DISC1: variants seen among roughly 807,000 people sequenced by gnomAD.
DISC1 encodes disrupted in schizophrenia 1 protein.
In DISC1, 57 loss-of-function variants were observed where a neutral mutation model predicts 84.5. The observed-to-expected ratio is 0.67, with a 90% CI of 0.55 to 0.84. The LOEUF is 0.84. DISC1 is among the 40% of genes least tolerant of loss of function. The pLI, the probability that DISC1 is intolerant of heterozygous loss-of-function variation, is 0.00. For missense variants in DISC1, 1,000 were observed against 1,057.8 expected, an observed-to-expected ratio of 0.95 and a Z score of 0.76; for synonymous variants, 411 against 415.2, an observed-to-expected ratio of 0.99 and a Z score of 0.12.
At chr1:231,759,859 A>G (rs2075501315) in intron 4 of DISC1, among the ~76,000 whole-genome samples, 1 of 152,152 alleles carries the variant, frequency 6.6e-6, no homozygotes, top group Non-Finnish European at 1.5e-5. Flanking sequence ...CCTCAATAAG[A>G]GAAGGGAGAA....
At chr1:231,803,726 A>T (rs547636811) in intron 8 of DISC1, among the ~76,000 whole-genome samples, 2 of 152,182 alleles carry the variant, frequency 1.3e-5, no homozygotes, top group South Asian at 4.1e-4. Flanking sequence ...AGGTGGGTGG[A>T]TCACGAGGTC....
intron 9 of DISC1, among the ~76,000 whole-genome samples, chr1:231,916,007 T>C (rs1336038507): frequency 6.6e-6 from 1 of 152,186 alleles, no homozygotes; most frequent in African/African-American, 2.4e-5. Context: ...ATTATACAGC[T>C]GAAAGCAGCT....
chr1:231,641,525 A>G (rs548154834), intron 1 of DISC1, among the ~76,000 whole-genome samples: 4 of 152,304 alleles, frequency 2.6e-5, no homozygotes, highest in Non-Finnish European at 4.4e-5. Flanking sequence ...GAGCAGCAGC[A>G]AGGTTTGTTG....
At chr1:231,985,928 C>T (rs1489483242) in intron 10 of DISC1, among the ~76,000 whole-genome samples, 1 of 152,130 alleles carries the variant, frequency 6.6e-6, no homozygotes, top group Non-Finnish European at 1.5e-5. Flanking sequence ...AAATCTTTCT[C>T]ATAAAATGCG....
chr1:232,024,800 C>T (rs1669297492), intron 11 of DISC1, among the ~76,000 whole-genome samples: 1 of 151,990 alleles, frequency 6.6e-6, no homozygotes, highest in African/African-American at 2.4e-5. Flanking sequence ...CCATGTTGGC[C>T]AGGCTGGTCT....
chr1:231,814,858 T>A (rs748990172), intron 8 of DISC1: 2 of 151,846 alleles, frequency 1.3e-5, no homozygotes, highest in Non-Finnish European at 2.9e-5. Flanking sequence ...ATAATCCAGT[T>A]ATAACCACTG....
chr1:231,674,803 C>T (rs1052426723), intron 1 of DISC1, among the ~76,000 whole-genome samples: 1 of 152,212 alleles, frequency 6.6e-6, no homozygotes, highest in East Asian at 1.9e-4. Flanking sequence ...GACAACACAG[C>T]CTGATGACAG....
At chr1:231,845,032 G>A (rs1170349970) in intron 9 of DISC1, among the ~76,000 whole-genome samples, 2 of 152,098 alleles carry the variant, frequency 1.3e-5, no homozygotes, top group African/African-American at 4.8e-5. Flanking sequence ...TTCTCATGCA[G>A]CTGAAGCCTC....
chr1:231,898,793 C>T (rs1011234579), intron 9 of DISC1, among the ~76,000 whole-genome samples: 10 of 151,752 alleles, frequency 6.6e-5, no homozygotes, highest in Non-Finnish European at 1.5e-4. Context: ...ATTACCTGGG[C>T]GTGGTGGCGT....
At chr1:231,889,888 A>T (rs571322132) in intron 9 of DISC1, among the ~76,000 whole-genome samples, 1 of 152,096 alleles carries the variant, frequency 6.6e-6, no homozygotes, top group Non-Finnish European at 1.5e-5. Context: ...CTCAAAAATT[A>T]CCTTCACAAA....
intron 11 of DISC1, among the ~76,000 whole-genome samples, chr1:232,021,246 G>T (rs1459018292): frequency 6.6e-6 from 1 of 152,116 alleles, no homozygotes; most frequent in Non-Finnish European, 1.5e-5. Context: ...GAGGCCCTGT[G>T]GGTCGTATTG....
At chr1:231,853,667 C>G (rs946230759) in intron 9 of DISC1, among the ~76,000 whole-genome samples, 2 of 152,066 alleles carry the variant, frequency 1.3e-5, no homozygotes, top group Non-Finnish European at 2.9e-5. Flanking sequence ...TAAGGGCTGA[C>G]TGGTGAGGAA....
chr1:231,706,260 G>A (rs1413003209), intron 3 of DISC1, among the ~76,000 whole-genome samples: 3 of 152,184 alleles, frequency 2.0e-5, no homozygotes, highest in African/African-American at 7.2e-5. Context: ...CCTATCCCGT[G>A]CTTATGGTCA....
rs1479924683 is a variant in DISC1, at chr1:232,040,638, T to C, written c.*3807T>C. Reference sequence around the variant, plus strand: ...TGCTCTTCCTAAAGTTCCTTTAATGTCCTTTTGAGATTTTGAGCCATGGAA... The same window carrying C: ...TGCTCTTCCTAAAGTTCCTTTAATGCCCTTTTGAGATTTTGAGCCATGGAA... On this transcript the variant is annotated 3_prime_UTR_variant, in exon 13 of 13. Coordinates refer to ENST00000439617, the MANE Select transcript of DISC1 (RefSeq NM_018662.3). 1.3e-5 allele frequency: 2 copies of C among 152,190 alleles called. No homozygotes were observed. The highest frequency in any genetic ancestry group is 2.9e-5 in the Non-Finnish European group (2 of 68,036). 9.4% of individuals were successfully genotyped at this position (152,190 alleles called of 1,614,324 possible).
At chr1:231,712,392 T>C (rs2067990116) in intron 3 of DISC1, among the ~76,000 whole-genome samples, 1 of 152,112 alleles carries the variant, frequency 6.6e-6, no homozygotes, top group African/African-American at 2.4e-5. Flanking sequence ...TGGTAGAGTT[T>C]GCAGCTCCAA....
intron 1 of DISC1, among the ~76,000 whole-genome samples, chr1:231,660,601 G>A (rs998643261): frequency 5.9e-5 from 9 of 152,150 alleles, no homozygotes; most frequent in Non-Finnish European, 1.0e-4. Context: ...TCAGCCTCCC[G>A]AGTAGCTGGG....
chr1:231,974,062 C>T (rs1662435180), intron 10 of DISC1, among the ~76,000 whole-genome samples: 1 of 152,028 alleles, frequency 6.6e-6, no homozygotes, highest in Non-Finnish European at 1.5e-5. Flanking sequence ...TTTCTTGCAG[C>T]CATACTCCTC....
chr1:231,907,378 C>T (rs2088822295), intron 9 of DISC1, among the ~76,000 whole-genome samples: 1 of 151,162 alleles, frequency 6.6e-6, no homozygotes, highest in Non-Finnish European at 1.5e-5. Flanking sequence ...CAAGTGTTCT[C>T]ATTGTTCAAT....
intron 3 of DISC1, among the ~76,000 whole-genome samples, chr1:231,735,793 C>T (rs988362894): frequency 1.1e-4 from 16 of 152,184 alleles, no homozygotes; most frequent in Admixed American, 3.3e-4. Flanking sequence ...CTCATCCAAA[C>T]TGTAACACTC....
Sources: allele counts gnomAD v4.1 joint callset (sites outside exome capture counted in the v4.1 genomes callset), GRCh38; gene constraint gnomAD v4.1.1; transcripts MANE v1.5; gene names NCBI Gene and HGNC (gene_info 2026-07-23, HGNC 2026-07-21).